The following KANK1 variants were observed in gnomAD, a reference collection of about 807,000 sequenced individuals.
The protein encoded by KANK1 is KN motif and ankyrin repeat domains 1.
Under a neutral mutation model 106.2 loss-of-function variants are expected in KANK1, and 109 were observed. That is an observed-to-expected ratio of 1.03 (90% CI 0.88 to 1.20). KANK1 has a LOEUF of 1.20. Among genes scored for constraint, KANK1 ranks in the 50% most tolerant of loss-of-function variants. The pLI, the probability that KANK1 is intolerant of heterozygous loss-of-function variation, is 0.00. For missense variants in KANK1, 2,399 were observed against 1,710.7 expected (o/e 1.40, Z -7.10); for synonymous variants, 873 against 652.2 (o/e 1.34, Z -5.16).
chr9:727,027 T>A (rs1830859806), intron 3 of KANK1, among the ~76,000 whole-genome samples: 1 of 152,230 alleles, frequency 6.6e-6, no homozygotes, highest in Non-Finnish European at 1.5e-5. Context: ...GTATGACCTA[T>A]TTTTAATACA....
At chr9:604,688 G>A (rs759792296) in intron 1 of KANK1, among the ~76,000 whole-genome samples, 2 of 151,678 alleles carry the variant, frequency 1.3e-5, no homozygotes, top group African/African-American at 2.4e-5. Flanking sequence ...AAAATTAGCC[G>A]GGCGGGTGGC....
chr9:666,391 A>G (rs1844588199), intron 1 of KANK1, among the ~76,000 whole-genome samples: 3 of 152,158 alleles, frequency 2.0e-5, no homozygotes, highest in Non-Finnish European at 4.4e-5. Context: ...CCTGTCGTTT[A>G]CATTCAAAGC....
At chr9:660,850 G>C (rs1404575858) in intron 1 of KANK1, among the ~76,000 whole-genome samples, 1 of 152,204 alleles carries the variant, frequency 6.6e-6, no homozygotes, top group African/African-American at 2.4e-5. Context: ...CTTCCCAATA[G>C]CGAGGTGATA....
intron 3 of KANK1, among the ~76,000 whole-genome samples, chr9:489,752 C>T (rs2058347937): frequency 6.6e-6 from 1 of 152,160 alleles, no homozygotes; most frequent in Admixed American, 6.5e-5. Flanking sequence ...TTTTTATCTG[C>T]TCCACGGGGT....
chr9:671,274 T>G (rs1845840250), intron 1 of KANK1, among the ~76,000 whole-genome samples: 1 of 152,020 alleles, frequency 6.6e-6, no homozygotes, highest in Admixed American at 6.6e-5. Flanking sequence ...GTATTTGATT[T>G]TTTGAAACAG....
chr9:745,386 G>A lies in KANK1; in HGVS notation c.*151G>A. On this transcript the variant is annotated 3_prime_UTR_variant, in exon 12 of 12. Transcript: ENST00000382297. ...AGGGGTAAAGGCTGAAGCTTTCACA[G>A]TGCAGAGACTGCTAGCCTGGGCACA... 2.2e-6 allele frequency: 2 copies of A among 921,702 alleles called. No homozygotes were observed. The highest frequency in any genetic ancestry group is 2.6e-5 in the East Asian group (1 of 38,428). 57.1% of individuals were successfully genotyped at this position (921,702 alleles called of 1,614,324 possible). A position where few individuals can be genotyped will look rare whatever the true frequency, so the allele number is the denominator to read the frequency against.
intron 1 of KANK1, among the ~76,000 whole-genome samples, chr9:524,570 T>C (rs1252752507): frequency 6.6e-6 from 1 of 151,622 alleles, no homozygotes. Flanking sequence ...CAGGCTGAAG[T>C]GCAGTGCTGC....
chr9:562,395 A>G (rs1816734288), intron 1 of KANK1, among the ~76,000 whole-genome samples: 2 of 152,158 alleles, frequency 1.3e-5, no homozygotes, highest in Admixed American at 1.3e-4. Context: ...CTGGGTAACA[A>G]CTGCTTCTGG....
At chr9:686,028 A>G (rs1036396629) in intron 2 of KANK1, among the ~76,000 whole-genome samples, 1 of 151,930 alleles carries the variant, frequency 6.6e-6, no homozygotes, top group African/African-American at 2.4e-5. Context: ...GAAAGGGGGA[A>G]GAATATTCCA....
At chr9:575,447 C>A (rs1820289824) in intron 1 of KANK1, among the ~76,000 whole-genome samples, 1 of 144,268 alleles carries the variant, frequency 6.9e-6, no homozygotes. Context: ...CTGGGAGGAT[C>A]ATTTGAGCCC....
intron 3 of KANK1, among the ~76,000 whole-genome samples, chr9:719,657 C>T (rs868591818): frequency 6.6e-6 from 1 of 152,178 alleles, no homozygotes; most frequent in Non-Finnish European, 1.5e-5. Context: ...ATACCAATAA[C>T]TAATACCCAT....
At position 663,330 on chromosome 9, in the gene KANK1, A is replaced by C. The variant is rs141697992; in HGVS notation, c.-83-13560A>C. On this transcript the variant is annotated intron_variant, in intron 1 of 11. Coordinates refer to ENST00000382297, the MANE Select transcript of KANK1 (RefSeq NM_015158.5). The stretch of plus-strand genomic sequence containing the variant: ...CTACCAGCAGTAGGAATGCTTGCTC[A>C]GTAAGAGCAAGACCCCACTAACACA... Among the ~76,000 whole-genome samples, 1,137 of 152,332 alleles carry C rather than the reference A, an allele frequency of 7.5e-3. 25 individuals are homozygous for C. Among genetic ancestry groups the C allele is most frequent in the African/African-American group, 0.026 (1,077 of 41,568 alleles).
At chr9:682,391 T>C (rs1817739989) in intron 2 of KANK1, among the ~76,000 whole-genome samples, 2 of 152,208 alleles carry the variant, frequency 1.3e-5, no homozygotes, top group African/African-American at 2.4e-5. Context: ...TTAGTATTTA[T>C]TTTTCATGCT....
rs150181576 is a variant in KANK1, at chr9:595,916, A to G, written c.-83-80974A>G. Among the ~76,000 whole-genome samples, 9 of 151,996 alleles carry G rather than the reference A, an allele frequency of 5.9e-5. 1 individual carries two copies. In the East Asian group the frequency reaches 7.7e-4, roughly 13 times the overall value. On this transcript the variant is annotated intron_variant, in intron 1 of 11. Transcript: ENST00000382297. ...AGCTTTTACAGTTTGAGCATCCCCT[A>G]TCCCAAACGCTTGGGACTAGAAGTA...
chr9:713,889 T>G (rs917293464), intron 3 of KANK1, among the ~76,000 whole-genome samples: 2 of 152,172 alleles, frequency 1.3e-5, no homozygotes, highest in African/African-American at 4.8e-5. Flanking sequence ...TGTTTTCAGT[T>G]AAAACGTTTA....
chr9:597,095 A>C (rs189015834), intron 1 of KANK1, among the ~76,000 whole-genome samples: 68 of 151,966 alleles, frequency 4.5e-4, no homozygotes, highest in African/African-American at 1.6e-3. Flanking sequence ...CATGGTACGG[A>C]TATATCATAA....
At chr9:624,616 A>G (rs1215435373) in intron 1 of KANK1, among the ~76,000 whole-genome samples, 1 of 152,090 alleles carries the variant, frequency 6.6e-6, no homozygotes, top group Non-Finnish European at 1.5e-5. Flanking sequence ...CAGCCTGGCC[A>G]ACATAGTGAA....
intron 1 of KANK1, among the ~76,000 whole-genome samples, chr9:521,565 C>CTTTT (rs35143391): frequency 2.5e-5 from 3 of 118,796 alleles, no homozygotes; most frequent in Admixed American, 9.0e-5. Flanking sequence ...CCTCCAGATT[C>CTTTT]TTTTTTTTTT....
At chr9:489,473 C>T (rs1014665759) in intron 3 of KANK1, among the ~76,000 whole-genome samples, 24 of 152,186 alleles carry the variant, frequency 1.6e-4, no homozygotes, top group African/African-American at 5.8e-4. Flanking sequence ...TTGGTTGCTG[C>T]AACTTAAATA....
Sources: allele counts gnomAD v4.1 joint callset (sites outside exome capture counted in the v4.1 genomes callset), GRCh38; gene constraint gnomAD v4.1.1; transcripts MANE v1.5; gene names NCBI Gene and HGNC (gene_info 2026-07-23, HGNC 2026-07-21).